Variants in SLC4A10 observed in about 807,000 individuals in gnomAD.
The protein encoded by SLC4A10 is sodium-driven chloride bicarbonate exchanger.
In SLC4A10, 42 loss-of-function variants were observed where a neutral mutation model predicts 137.7. The observed-to-expected ratio is 0.30, with a 90% CI of 0.24 to 0.39. The LOEUF (loss-of-function observed/expected upper bound fraction) is 0.39. Among genes scored for constraint, SLC4A10 ranks in the 10% least tolerant of loss-of-function variants. The probability of loss-of-function intolerance (pLI) is 1.00; values close to 1 mark genes in which losing one functional copy is unlikely to be tolerated. For missense variants in SLC4A10, 925 were observed against 1,355.0 expected (o/e 0.68, Z 4.98); for synonymous variants, 474 against 464.1 (o/e 1.02, Z -0.27).
At chr2:161,732,173 A>C (rs1443726596) in intron 1 of SLC4A10, among the ~76,000 whole-genome samples, 1 of 152,126 alleles carries the variant, frequency 6.6e-6, no homozygotes, top group Non-Finnish European at 1.5e-5. Context: ...ACTAGCCATA[A>C]TTGAGTAAAT....
chr2:161,663,046 G>T (rs1485089399), intron 1 of SLC4A10, among the ~76,000 whole-genome samples: 2 of 152,084 alleles, frequency 1.3e-5, no homozygotes, highest in African/African-American at 2.4e-5. Context: ...TACCCCATTA[G>T]GTAATGTGGT....
intron 1 of SLC4A10, among the ~76,000 whole-genome samples, chr2:161,706,051 T>C (rs1185822618): frequency 1.3e-5 from 2 of 151,578 alleles, no homozygotes; most frequent in African/African-American, 4.8e-5. Flanking sequence ...TAATTAATTG[T>C]GTTAAATTAC....
intron 1 of SLC4A10, among the ~76,000 whole-genome samples, chr2:161,734,002 G>T (rs2047072316): frequency 6.6e-6 from 1 of 152,134 alleles, no homozygotes; most frequent in Non-Finnish European, 1.5e-5. Context: ...CCCAATACCT[G>T]TACCCCATTG....
chr2:161,804,305 C>T, intron 2 of SLC4A10, 144 bp from the exon 3 acceptor site: 1 of 793,686 alleles, frequency 1.3e-6, no homozygotes, highest in Non-Finnish European at 1.9e-6. Flanking sequence ...AAAGACAGTG[C>T]CACGCTCCAA....
intron 3 of SLC4A10, among the ~76,000 whole-genome samples, chr2:161,808,701 G>A (rs1347691093): frequency 6.6e-6 from 1 of 152,052 alleles, no homozygotes; most frequent in Non-Finnish European, 1.5e-5. Flanking sequence ...ATTTTTTTAG[G>A]ATAATGATCT....
At chr2:161,637,332 G>A (rs556257860) in intron 1 of SLC4A10, among the ~76,000 whole-genome samples, 1 of 151,726 alleles carries the variant, frequency 6.6e-6, no homozygotes, top group Admixed American at 6.6e-5. Context: ...CCGAGTAGCT[G>A]GGACTACAGG....
At chr2:161,886,032 G>A (rs1575454912) in intron 10 of SLC4A10, among the ~76,000 whole-genome samples, 1 of 152,066 alleles carries the variant, frequency 6.6e-6, no homozygotes, top group Non-Finnish European at 1.5e-5. Flanking sequence ...CAGGGAGGTG[G>A]AGGTTGCAGT....
chr2:161,704,740 G>A (rs547905052), intron 1 of SLC4A10, among the ~76,000 whole-genome samples: 116 of 151,412 alleles, frequency 7.7e-4, no homozygotes, highest in Non-Finnish European at 1.1e-3. Context: ...AACATCTTTT[G>A]TTCTTAATAT....
intron 4 of SLC4A10, among the ~76,000 whole-genome samples, chr2:161,844,045 A>G (rs2059346673): frequency 6.6e-6 from 1 of 152,188 alleles, no homozygotes; most frequent in Admixed American, 6.6e-5. Context: ...CTGCTTATAA[A>G]TAACATGTAA....
intron 1 of SLC4A10, among the ~76,000 whole-genome samples, chr2:161,709,471 T>G (rs912846275): frequency 6.6e-6 from 1 of 151,606 alleles, no homozygotes; most frequent in African/African-American, 2.4e-5. Flanking sequence ...TTGATGCTCT[T>G]GGTGCTTTTA....
chr2:161,898,289 A>T lies in SLC4A10; in HGVS notation c.1342-2622A>T, dbSNP rs1287717025. On this transcript the variant is annotated intron_variant, in intron 11 of 26. Coordinates refer to ENST00000446997, the MANE Select transcript of SLC4A10 (RefSeq NM_001178015.2). Reference sequence around the variant, plus strand: ...CTAAAGATCAGAATTTTTCATTTTAATTACCTTAAATGTAAATAGACATAT... The same window carrying T: ...CTAAAGATCAGAATTTTTCATTTTATTTACCTTAAATGTAAATAGACATAT... Among the ~76,000 whole-genome samples, 4 of 152,172 alleles carry T rather than the reference A, an allele frequency of 2.6e-5. No individual in the cohort carries two copies. The East Asian group carries it at 7.7e-4, about 29-fold the overall frequency.
intron 1 of SLC4A10, among the ~76,000 whole-genome samples, chr2:161,646,285 C>T (rs1049543568): frequency 6.6e-5 from 10 of 151,854 alleles, no homozygotes; most frequent in Admixed American, 1.3e-4. Flanking sequence ...GTTTAGATTC[C>T]TTGGTTTAAT....
intron 8 of SLC4A10, among the ~76,000 whole-genome samples, chr2:161,876,137 T>G (rs2125940493): frequency 6.6e-6 from 1 of 152,256 alleles, no homozygotes. Flanking sequence ...AGGTGAGGTC[T>G]GGGCAGCCCA....
chr2:161,637,093 ACGTATATACGT>A (rs1294469875), intron 1 of SLC4A10, among the ~76,000 whole-genome samples: 68 of 124,980 alleles, frequency 5.4e-4, no homozygotes, highest in African/African-American at 1.8e-3. Flanking sequence ...ATATACATAT[ACGTATATACGT>A]ATTTATGTAT....
chr2:161,710,878 G>T (rs1371350231), intron 1 of SLC4A10: 2 of 261,532 alleles, frequency 7.6e-6, no homozygotes, highest in Non-Finnish European at 7.8e-6. Context: ...GTCATTTCCT[G>T]CTTTCAAGGA....
chr2:161,895,469 A>T (rs1450467287), intron 11 of SLC4A10, among the ~76,000 whole-genome samples: 2 of 152,064 alleles, frequency 1.3e-5, no homozygotes, highest in South Asian at 4.1e-4. Flanking sequence ...CTAGTTCTAG[A>T]TCCCTGAGGA....
At chr2:161,695,368 T>C (rs1483687272) in intron 1 of SLC4A10, among the ~76,000 whole-genome samples, 2 of 152,204 alleles carry the variant, frequency 1.3e-5, no homozygotes, top group East Asian at 3.9e-4. Context: ...CTAGTTGTTC[T>C]TGGAGGGAAA....
chr2:161,853,002 T>C (rs1575289154), intron 4 of SLC4A10, among the ~76,000 whole-genome samples: 2 of 152,218 alleles, frequency 1.3e-5, no homozygotes, highest in East Asian at 3.8e-4. Context: ...TCCATTAAAA[T>C]GTCTGCCAAG....
intron 13 of SLC4A10, 149 bp from the exon 14 acceptor site, chr2:161,904,627 C>T: frequency 1.2e-6 from 1 of 848,148 alleles, no homozygotes; most frequent in Non-Finnish European, 1.8e-6. Context: ...CCCCTTTAGT[C>T]ATCCTTCTAC....
Sources: allele counts gnomAD v4.1 joint callset (sites outside exome capture counted in the v4.1 genomes callset), GRCh38; gene constraint gnomAD v4.1.1; transcripts MANE v1.5; gene names NCBI Gene and HGNC (gene_info 2026-07-23, HGNC 2026-07-21).